The following SIN3A variants were observed in gnomAD, a reference collection of about 807,000 sequenced individuals.
The protein encoded by SIN3A is paired amphipathic helix protein Sin3a.
Under a neutral mutation model 146.1 loss-of-function variants are expected in SIN3A, and 14 were observed. The ratio of observed to expected loss-of-function variants is 0.10; its 90% CI spans 0.06 to 0.15. The LOEUF (loss-of-function observed/expected upper bound fraction) is 0.15. SIN3A is among the 10% of genes least tolerant of loss of function. The probability of loss-of-function intolerance (pLI) is 1.00; values close to 1 mark genes in which losing one functional copy is unlikely to be tolerated. For missense variants in SIN3A, 1,028 were observed against 1,576.0 expected, an observed-to-expected ratio of 0.65 and a Z score of 5.89; for synonymous variants, 572 against 572.0, an observed-to-expected ratio of 1.00 and a Z score of 0.00.
chr15:75,372,438 A>C (rs2072770399), intron 20 of SIN3A, among the ~76,000 whole-genome samples: 1 of 152,186 alleles, frequency 6.6e-6, no homozygotes, highest in African/African-American at 2.4e-5. Context: ...TAAAGCCTCC[A>C]AAGAAATGCG....
At position 75,389,742 on chromosome 15, in the gene SIN3A, T is replaced by C; in HGVS notation, c.2931A>G (p.Ser977=). Residue 977 remains serine, a synonymous_variant, in exon 16 of 21, where the codon TCA becomes TCG. Coordinates refer to ENST00000394947, the MANE Select transcript of SIN3A (RefSeq NM_001145358.2). ...TCTCTCTCAGTGAATCTTCATACTG[T>C]GATGAGTCTATGTTGCCATCCAGCA... The part of the protein sequence containing the change: ...RSLLDGNIDS[S]QYEDSLREMF... 6.2e-7 allele frequency: 1 copy of C among 1,614,150 alleles called. No homozygotes were observed. The highest frequency in any genetic ancestry group is 8.5e-7 in the Non-Finnish European group (1 of 1,180,002).
intron 12 of SIN3A, among the ~76,000 whole-genome samples, chr15:75,399,738 A>ATTT (rs1428208000): frequency 1.3e-5 from 2 of 152,242 alleles, no homozygotes; most frequent in Non-Finnish European, 2.9e-5. Context: ...TTTCTTCACC[A>ATTT]TGCAAAACAT....
At chr15:75,373,034 C>T (rs941765812) in intron 20 of SIN3A, among the ~76,000 whole-genome samples, 2 of 152,148 alleles carry the variant, frequency 1.3e-5, no homozygotes, top group Admixed American at 6.6e-5. Flanking sequence ...TGTGTTACCC[C>T]ACCCTGGGAA....
intron 1 of SIN3A, among the ~76,000 whole-genome samples, chr15:75,445,458 G>A (rs2074288783): frequency 6.6e-6 from 1 of 151,302 alleles, no homozygotes; most frequent in Non-Finnish European, 1.5e-5. Context: ...GGGAGGCTAA[G>A]GCAGAAGAAT....
At chr15:75,431,585 G>T (rs1380071478) in intron 1 of SIN3A, among the ~76,000 whole-genome samples, 2 of 151,726 alleles carry the variant, frequency 1.3e-5, no homozygotes, top group Non-Finnish European at 2.9e-5. Flanking sequence ...ATGGAAAGAA[G>T]ATAAAATTTA....
chr15:75,454,441 C>A (rs1322975562), upstream of SIN3A, among the ~76,000 whole-genome samples: 1 of 151,330 alleles, frequency 6.6e-6, no homozygotes. Context: ...CCGCCCGGCG[C>A]TCGGTGGACT....
intron 1 of SIN3A, among the ~76,000 whole-genome samples, chr15:75,436,068 A>G (rs979825922): frequency 6.6e-6 from 1 of 151,684 alleles, no homozygotes; most frequent in Non-Finnish European, 1.5e-5. Context: ...TGAGGCTGCA[A>G]GGTTGTAGTG....
chr15:75,409,744 C>T, intron 8 of SIN3A, 92 bp downstream of exon 8: 3 of 1,368,664 alleles, frequency 2.2e-6, no homozygotes, highest in Non-Finnish European at 3.0e-6. Flanking sequence ...CAAAAAAAAA[C>T]AACAACAACA....
chr15:75,413,009 C>G lies in SIN3A; in HGVS notation c.510G>C (p.Gln170His). 2 of 1,613,960 alleles carry G rather than the reference C, an allele frequency of 1.2e-6. No homozygotes were observed. Among genetic ancestry groups the G allele is most frequent in the Non-Finnish European group, 1.7e-6 (2 of 1,179,940 alleles). The change falls in exon 5 of 21, where the codon CAG (glutamine) becomes CAC (histidine). Residue 170 changes from glutamine to histidine, a missense_variant. Transcript: ENST00000394947. The part of the protein sequence containing the change: ...DTPGVISRVS[Q>H]LFKGHPDLIM... ...TCAGATCGGGGTGGCCTTTGAATAG[C>G]TGGGACACACGACTAATCACTCCTG...
intron 12 of SIN3A, among the ~76,000 whole-genome samples, chr15:75,397,864 A>G (rs573611073): frequency 6.6e-6 from 1 of 152,320 alleles, no homozygotes; most frequent in South Asian, 2.1e-4. Context: ...AGTTAACCTT[A>G]CTAAACGTAA....
intron 1 of SIN3A, among the ~76,000 whole-genome samples, chr15:75,445,224 T>C (rs1567430597): frequency 6.8e-6 from 1 of 147,022 alleles, no homozygotes; most frequent in African/African-American, 2.5e-5. Flanking sequence ...CTACTAAAAA[T>C]ACAAAAAATT....
rs201874653 is a variant in SIN3A, at chr15:75,399,481, T to C, written c.1854+559A>G. Among the ~76,000 whole-genome samples the C allele has an allele frequency of 2.6e-5, 4 of 152,156 alleles. No individual in the cohort carries two copies. The East Asian group carries it at 5.8e-4, about 22-fold the overall frequency. ...AGGCAGAGCTTGCAGTGAGCCGAGATTGCGCCACTGCACTCCAGCCTGGGA... is the reference window on the plus strand; with the variant it reads ...AGGCAGAGCTTGCAGTGAGCCGAGACTGCGCCACTGCACTCCAGCCTGGGA... On this transcript the variant is annotated intron_variant, in intron 12 of 20. Transcript: ENST00000394947.
intron 3 of SIN3A, among the ~76,000 whole-genome samples, chr15:75,414,955 G>A (rs939904523): frequency 3.3e-5 from 5 of 152,176 alleles, no homozygotes; most frequent in African/African-American, 7.2e-5. Context: ...TGGAGGATCT[G>A]TAGTGAAGAG....
chr15:75,384,804 T>C (rs1029753617), intron 16 of SIN3A, among the ~76,000 whole-genome samples: 1 of 152,200 alleles, frequency 6.6e-6, no homozygotes, highest in Non-Finnish European at 1.5e-5. Context: ...CTCTCATACA[T>C]ATTCTTTCTC....
At chr15:75,448,788 C>CA (rs1486027080) in intron 1 of SIN3A, among the ~76,000 whole-genome samples, 4 of 152,110 alleles carry the variant, frequency 2.6e-5, no homozygotes, top group Non-Finnish European at 4.4e-5. Context: ...CACAGCTCTC[C>CA]AGTGTCTTGT....
chr15:75,454,115 A>G (rs1364662206), upstream of SIN3A, among the ~76,000 whole-genome samples: 2 of 151,562 alleles, frequency 1.3e-5, no homozygotes, highest in African/African-American at 4.9e-5. Flanking sequence ...CGGGGGCGGG[A>G]CCTTGCGCCT....
chr15:75,391,765 T>A (rs117236190), intron 15 of SIN3A, among the ~76,000 whole-genome samples: 1 of 152,174 alleles, frequency 6.6e-6, no homozygotes, highest in Non-Finnish European at 1.5e-5. Flanking sequence ...TGAGTTCCAG[T>A]CTCCTTTCCA....
chr15:75,429,189 T>A (rs4327014), intron 2 of SIN3A, among the ~76,000 whole-genome samples: 4 of 151,980 alleles, frequency 2.6e-5, no homozygotes, highest in Non-Finnish European at 4.4e-5. Context: ...GGAGGCTGGC[T>A]GGGGGAGGAT....
At chr15:75,386,722 T>C (rs2141404962) in intron 16 of SIN3A, among the ~76,000 whole-genome samples, 1 of 152,342 alleles carries the variant, frequency 6.6e-6, no homozygotes, top group African/African-American at 2.4e-5. Context: ...CCCAGCCCAA[T>C]CCTTCCATGG....
Sources: allele counts gnomAD v4.1 joint callset (sites outside exome capture counted in the v4.1 genomes callset), GRCh38; gene constraint gnomAD v4.1.1; transcripts MANE v1.5; gene names NCBI Gene and HGNC (gene_info 2026-07-23, HGNC 2026-07-21).